PXYLP1: variants seen among roughly 807,000 people sequenced by gnomAD.
The protein encoded by PXYLP1 is 2-phosphoxylose phosphatase 1, also known as acid phosphatase-like 2.
Under a neutral mutation model 37.9 loss-of-function variants are expected in PXYLP1, and 17 were observed. The ratio of observed to expected loss-of-function variants is 0.45; its 90% CI spans 0.31 to 0.67. The LOEUF (loss-of-function observed/expected upper bound fraction) is 0.67. PXYLP1 is among the 30% of genes least tolerant of loss of function. The pLI, the probability that PXYLP1 is intolerant of heterozygous loss-of-function variation, is 0.07. For missense variants in PXYLP1, 511 were observed against 612.0 expected, an observed-to-expected ratio of 0.84 and a Z score of 1.74; for synonymous variants, 221 against 232.2, an observed-to-expected ratio of 0.95 and a Z score of 0.44.
At chr3:141,275,496 A>G (rs1185400704) in intron 2 of PXYLP1, among the ~76,000 whole-genome samples, 1 of 152,278 alleles carries the variant, frequency 6.6e-6, no homozygotes, top group Non-Finnish European at 1.5e-5. Context: ...CCAAGGGGCC[A>G]GGACTTGGTA....
chr3:141,266,715 G>A (rs531887121), intron 2 of PXYLP1, among the ~76,000 whole-genome samples: 2 of 147,606 alleles, frequency 1.4e-5, no homozygotes, highest in African/African-American at 2.5e-5. Context: ...AGAGACGGCG[G>A]GGGGAGAGAG....
intron 1 of PXYLP1, among the ~76,000 whole-genome samples, chr3:141,254,620 C>T (rs1941219599): frequency 6.6e-6 from 1 of 152,242 alleles, no homozygotes; most frequent in South Asian, 2.1e-4. Flanking sequence ...TTAAACTCCA[C>T]TTTGACGTGA....
intron 1 of PXYLP1, among the ~76,000 whole-genome samples, chr3:141,233,430 A>G (rs1418186213): frequency 2.9e-5 from 4 of 137,188 alleles, no homozygotes; most frequent in African/African-American, 1.1e-4. Flanking sequence ...GCGCCATTGC[A>G]CTCCAGCTTG....
chr3:141,278,911 T>G (rs1941874463), intron 3 of PXYLP1, among the ~76,000 whole-genome samples: 1 of 152,252 alleles, frequency 6.6e-6, no homozygotes, highest in Non-Finnish European at 1.5e-5. Flanking sequence ...CGTCTTGCCA[T>G]AGAAGTGAGG....
intron 1 of PXYLP1, among the ~76,000 whole-genome samples, chr3:141,248,488 TGC>T (rs1194886212): frequency 3.1e-5 from 4 of 130,422 alleles, no homozygotes; most frequent in African/African-American, 1.5e-4. Context: ...GCAATATGTG[TGC>T]GTGTGTGTAT....
chr3:141,233,513 GATGCACGGGAC>G (rs1279406284), intron 1 of PXYLP1, among the ~76,000 whole-genome samples: 2 of 146,116 alleles, frequency 1.4e-5, no homozygotes, highest in Non-Finnish European at 3.0e-5. Context: ...GAGAGGTGAA[GATGCACGGGAC>G]AGCCTGAAAG....
intron 2 of PXYLP1, among the ~76,000 whole-genome samples, chr3:141,277,764 A>G (rs146970734): frequency 1.4e-3 from 220 of 152,338 alleles, no homozygotes; most frequent in African/African-American, 5.1e-3. Flanking sequence ...GCCACGCCGA[A>G]GACAGTGGCA....
Position 141,293,104 on chromosome 3 carries a change from C to T in PXYLP1, c.1342C>T (p.Pro448Ser). The T allele has an allele frequency of 6.2e-7, 1 of 1,614,186 alleles. No homozygotes were observed. The highest frequency in any genetic ancestry group is 1.1e-5 in the South Asian group (1 of 91,082). The change falls in exon 6 of 6, where the codon CCG becomes TCG. Residue 448 changes from proline (P) to serine (S), a missense_variant. Pro to Ser is a moderately conservative substitution (Grantham distance 74). Coordinates refer to ENST00000286353, the MANE Select transcript of PXYLP1 (RefSeq NM_001037172.3). ...CAAGCGTTCTCCCAAGCCCATGTGC[C>T]CGCTTGAAAACTTGGTCCGCTTTGT... is the stretch of plus-strand genomic sequence containing the variant. ...HHKRSPKPMC[P>S]LENLVRFVKR...
At chr3:141,264,606 A>G (rs953511632) in intron 2 of PXYLP1, among the ~76,000 whole-genome samples, 1 of 152,208 alleles carries the variant, frequency 6.6e-6, no homozygotes, top group African/African-American at 2.4e-5. Context: ...CCAGTGGAGA[A>G]GAATCACAAG....
intron 1 of PXYLP1, among the ~76,000 whole-genome samples, chr3:141,239,065 TAAA>T (rs10709588): frequency 4.2e-5 from 6 of 144,282 alleles, no homozygotes; most frequent in East Asian, 2.0e-4. Flanking sequence ...AGTTTTGTCT[TAAA>T]AAAAAAAAAA....
chr3:141,277,194 TGTAGAA>T (rs547064620), intron 2 of PXYLP1, among the ~76,000 whole-genome samples: 72 of 152,338 alleles, frequency 4.7e-4, no homozygotes, highest in African/African-American at 1.7e-3. Context: ...TAGAAGAATT[TGTAGAA>T]GTAATTAGGG....
At chr3:141,287,150 G>A (rs1942095799) in intron 4 of PXYLP1, among the ~76,000 whole-genome samples, 164 bp from the exon 5 acceptor site, 2 of 152,178 alleles carry the variant, frequency 1.3e-5, no homozygotes, top group Admixed American at 1.3e-4. Flanking sequence ...CAGTGTCAGT[G>A]GTCGAGAAAT....
At chr3:141,245,493 AG>A (rs778958612) in intron 1 of PXYLP1, among the ~76,000 whole-genome samples, 26 of 152,328 alleles carry the variant, frequency 1.7e-4, no homozygotes, top group Non-Finnish European at 3.5e-4. Context: ...ACATTAGGTC[AG>A]GGACGTTTTC....
intron 1 of PXYLP1, among the ~76,000 whole-genome samples, chr3:141,258,995 A>G (rs1450279063): frequency 6.6e-6 from 1 of 152,212 alleles, no homozygotes; most frequent in Non-Finnish European, 1.5e-5. Context: ...AAAGTCACCT[A>G]CTGGGCCCTT....
intron 1 of PXYLP1, among the ~76,000 whole-genome samples, chr3:141,233,524 C>G (rs1940586168): frequency 6.8e-6 from 1 of 147,942 alleles, no homozygotes; most frequent in South Asian, 2.1e-4. Context: ...ATGCACGGGA[C>G]AGCCTGAAAG....
At chr3:141,237,608 C>T (rs1430025664) in intron 1 of PXYLP1, among the ~76,000 whole-genome samples, 2 of 152,202 alleles carry the variant, frequency 1.3e-5, no homozygotes, top group Non-Finnish European at 2.9e-5. Flanking sequence ...AAGCACCTAC[C>T]ACATGGTACA....
In PXYLP1 at chr3:141,292,605, C is replaced by G; in HGVS notation, c.843C>G (p.Ile281Met). 6.2e-7 allele frequency: 1 copy of G among 1,613,954 alleles called. No homozygotes were observed. Among genetic ancestry groups the G allele is most frequent in the South Asian group, 1.1e-5 (1 of 91,072 alleles). ...AGACCTACGGGGAGATGGCCAAGAT[C>G]GTGGATGTCCCCACCAAGCAGCTTA... ...LEKTYGEMAK[I>M]VDVPTKQLRA... Residue 281 changes from isoleucine to methionine, a missense_variant, in exon 6 of 6, where the codon ATC becomes ATG. Ile to Met is a conservative substitution (Grantham distance 10, BLOSUM62 1). Coordinates refer to ENST00000286353, the MANE Select transcript of PXYLP1 (RefSeq NM_001037172.3). This position sits in a 1 kb window ranked among gnomAD's most constrained non-coding sequence, Gnocchi z 4.3.
intron 1 of PXYLP1, among the ~76,000 whole-genome samples, chr3:141,251,448 A>G (rs528372988): frequency 6.6e-6 from 1 of 152,284 alleles, no homozygotes; most frequent in South Asian, 2.1e-4. Context: ...GAAGAACTTG[A>G]CCACATCTCT....
intron 1 of PXYLP1, among the ~76,000 whole-genome samples, chr3:141,247,851 G>A (rs1023806876): frequency 6.6e-6 from 1 of 152,104 alleles, no homozygotes; most frequent in Non-Finnish European, 1.5e-5. Flanking sequence ...AAACTGGTGT[G>A]TAAACAAGGA....
Sources: allele counts gnomAD v4.1 joint callset (sites outside exome capture counted in the v4.1 genomes callset), GRCh38; gene constraint gnomAD v4.1.1; non-coding constraint Gnocchi (gnomAD v3.1); transcripts MANE v1.5; gene names NCBI Gene and HGNC (gene_info 2026-07-23, HGNC 2026-07-21).